Variants in PAK4 observed in about 807,000 individuals in gnomAD.
The protein encoded by PAK4 is serine/threonine-protein kinase PAK 4.
Under a neutral mutation model 53.5 loss-of-function variants are expected in PAK4, and 49 were observed. The ratio of observed to expected loss-of-function variants is 0.92; its 90% CI spans 0.73 to 1.16. PAK4 has a LOEUF of 1.16. Ranked by LOEUF, PAK4 falls within the 50% of genes most tolerant of loss-of-function variation. The pLI is 0.00. For missense variants in PAK4, 824 were observed against 850.7 expected (o/e 0.97, Z 0.39); for synonymous variants, 376 against 375.6 (o/e 1.00, Z -0.01).
At chr19:39,156,379 C>T (rs2074181831) in intron 1 of PAK4, among the ~76,000 whole-genome samples, 3 of 152,158 alleles carry the variant, frequency 2.0e-5, no homozygotes, top group Non-Finnish European at 4.4e-5. Context: ...ACCTGGCTGC[C>T]CCTTAGCCGC....
chr19:39,127,548 G>T (rs950212615), intron 1 of PAK4, among the ~76,000 whole-genome samples: 3 of 152,154 alleles, frequency 2.0e-5, no homozygotes, highest in African/African-American at 7.2e-5. Flanking sequence ...CCCCACTGAA[G>T]CCCTGCCTGG....
intron 1 of PAK4, among the ~76,000 whole-genome samples, chr19:39,145,784 C>G (rs1416250269): frequency 2.0e-5 from 3 of 152,188 alleles, no homozygotes; most frequent in African/African-American, 7.2e-5. Context: ...TACTGCCCTC[C>G]CCCTGCGCCC....
At chr19:39,152,673 C>T (rs1258766086) in intron 1 of PAK4, among the ~76,000 whole-genome samples, 2 of 152,104 alleles carry the variant, frequency 1.3e-5, no homozygotes, top group Non-Finnish European at 2.9e-5. Context: ...GGCATAAGGG[C>T]TTGGTTAAGA....
At chr19:39,137,174 A>G (rs530770959) in intron 1 of PAK4, among the ~76,000 whole-genome samples, 1 of 152,094 alleles carries the variant, frequency 6.6e-6, no homozygotes, top group East Asian at 1.9e-4. Context: ...TTTTTCCAAC[A>G]AATTTGGTGG....
intron 1 of PAK4, among the ~76,000 whole-genome samples, chr19:39,169,098 G>A (rs897861079): frequency 2.0e-5 from 3 of 152,188 alleles, no homozygotes; most frequent in African/African-American, 7.2e-5. Flanking sequence ...CGGGGGGACG[G>A]CGGGACACGG....
chr19:39,139,134 A>G (rs1415819731), intron 1 of PAK4, among the ~76,000 whole-genome samples: 1 of 152,074 alleles, frequency 6.6e-6, no homozygotes, highest in East Asian at 1.9e-4. Flanking sequence ...TTCCTGCAGC[A>G]CCCCAGCCTC....
intron 2 of PAK4, among the ~76,000 whole-genome samples, chr19:39,172,221 A>AG (rs2074494155): frequency 4.7e-5 from 1 of 21,112 alleles, no homozygotes. Context: ...CCCTGGGCGC[A>AG]GGGGGGCGGG....
chr19:39,155,843 G>A (rs73551749), intron 1 of PAK4, among the ~76,000 whole-genome samples: 2,837 of 152,314 alleles, frequency 0.019, 92 homozygotes, highest in African/African-American at 0.065. Context: ...TGAAGGACCT[G>A]TCTCATTTAG....
chr19:39,136,985 A>G (rs916215227), intron 1 of PAK4, among the ~76,000 whole-genome samples: 1 of 152,128 alleles, frequency 6.6e-6, no homozygotes, highest in African/African-American at 2.4e-5. Context: ...GAAGACAGGT[A>G]GGTCGGTTCT....
exon 9 of PAK4, chr19:39,179,247 G>A (rs1402710843): frequency 2.0e-5 from 3 of 152,570 alleles, no homozygotes; most frequent in Non-Finnish European, 4.4e-5. Context: ...TAACACTCTA[G>A]CCCCTGCCCT....
chr19:39,177,196 C>T (rs1472046216), intron 7 of PAK4, among the ~76,000 whole-genome samples: 2 of 152,348 alleles, frequency 1.3e-5, no homozygotes, highest in East Asian at 3.9e-4. Flanking sequence ...ATTGTTTTCA[C>T]AGGCCGGCTT....
At chr19:39,174,581 C>T (rs1391012954) in intron 4 of PAK4, among the ~76,000 whole-genome samples, 1 of 152,146 alleles carries the variant, frequency 6.6e-6, no homozygotes. Context: ...AGCTCCTCGC[C>T]TGGGTTCCTC....
chr19:39,153,818 A>G (rs909462044), intron 1 of PAK4, among the ~76,000 whole-genome samples: 8 of 152,072 alleles, frequency 5.3e-5, no homozygotes, highest in African/African-American at 1.9e-4. Flanking sequence ...CCTGGCCTCA[A>G]GTAATCCTCC....
rs376676864 is a variant in PAK4 at position 39,176,961 on chromosome 19, C to T, written c.1485+246C>T. 1.8e-4 allele frequency among the ~76,000 whole-genome samples: 27 copies of T among 152,166 alleles called. No homozygotes were observed. In the South Asian group the frequency reaches 2.5e-3, roughly 14 times the overall value. On this transcript the variant is annotated intron_variant, in intron 7 of 8. Coordinates refer to ENST00000358301, the Ensembl canonical transcript of PAK4. ...TCAGCTCACTGCAACCTCCACCTCC[C>T]GGGTTCAAGCGATTCTCCTGCCTCA...
chr19:39,130,145 AGGGGTC>A (rs2073675101), intron 1 of PAK4, among the ~76,000 whole-genome samples: 10 of 71,664 alleles, frequency 1.4e-4, no homozygotes, highest in South Asian at 4.8e-4. Flanking sequence ...ACCCAGGCAG[AGGGGTC>A]AGGGTGGGGT....
intron 1 of PAK4, among the ~76,000 whole-genome samples, chr19:39,127,701 C>T (rs981299254): frequency 2.6e-5 from 4 of 152,102 alleles, no homozygotes; most frequent in African/African-American, 9.7e-5. Context: ...GAACCAGCCC[C>T]CAAGCCAGTG....
At chr19:39,174,724 G>C (rs1403395537) in intron 4 of PAK4, among the ~76,000 whole-genome samples, 2 of 152,168 alleles carry the variant, frequency 1.3e-5, no homozygotes, top group African/African-American at 2.4e-5. Flanking sequence ...GTGTGCCCAG[G>C]GGGGCGCGCC....
chr19:39,149,482 A>G (rs1056121699), intron 1 of PAK4, among the ~76,000 whole-genome samples: 38 of 152,280 alleles, frequency 2.5e-4, no homozygotes, highest in East Asian at 1.3e-3. Context: ...AGTCCCAGCT[A>G]TTCGGGGGCA....
intron 1 of PAK4, among the ~76,000 whole-genome samples, chr19:39,131,432 A>C (rs2073708725): frequency 6.6e-6 from 1 of 152,116 alleles, no homozygotes; most frequent in East Asian, 1.9e-4. Context: ...GGGTGTCCCC[A>C]GCAGCTGTTT....
Sources: allele counts gnomAD v4.1 joint callset (sites outside exome capture counted in the v4.1 genomes callset), GRCh38; gene constraint gnomAD v4.1.1; transcripts MANE v1.5; gene names NCBI Gene and HGNC (gene_info 2026-07-23, HGNC 2026-07-21).